CCDC7: variants seen among roughly 807,000 people sequenced by gnomAD.
The protein encoded by CCDC7 is coiled-coil domain-containing protein 7.
In CCDC7, 183 loss-of-function variants were observed where a neutral mutation model predicts 196.9. The observed-to-expected ratio is 0.93, with a 90% confidence interval of 0.82 to 1.05. The LOEUF is 1.05. Ranked by LOEUF, CCDC7 falls within the 50% of genes least tolerant of loss-of-function variation. CCDC7 has a pLI of 0.00. For missense variants in CCDC7, 1,540 were observed against 1,482.2 expected (o/e 1.04, Z -0.64); for synonymous variants, 525 against 484.6 (o/e 1.08, Z -1.10).
intron 18 of CCDC7, among the ~76,000 whole-genome samples, chr10:32,596,477 C>G (rs568850850): frequency 3.3e-5 from 5 of 152,100 alleles, no homozygotes; most frequent in African/African-American, 4.8e-5. Context: ...AGGGTGTTGA[C>G]TCTATCCAAT....
intron 9 of CCDC7, among the ~76,000 whole-genome samples, chr10:32,495,984 A>G (rs1482506079): frequency 6.6e-6 from 1 of 152,280 alleles, no homozygotes; most frequent in Non-Finnish European, 1.5e-5. Context: ...TACTTTGGGC[A>G]GTATGGCCAT....
At chr10:32,644,600 A>G (rs965685207) in intron 20 of CCDC7, among the ~76,000 whole-genome samples, 2 of 152,136 alleles carry the variant, frequency 1.3e-5, no homozygotes, top group South Asian at 2.1e-4. Flanking sequence ...TTGTACTCCT[A>G]TAATTTCCAC....
At chr10:32,859,437 A>G (rs1030452558) in intron 41 of CCDC7, among the ~76,000 whole-genome samples, 1 of 152,224 alleles carries the variant, frequency 6.6e-6, no homozygotes, top group African/African-American at 2.4e-5. Context: ...AAGGAAATTT[A>G]TAGCACTAAA....
intron 18 of CCDC7, among the ~76,000 whole-genome samples, chr10:32,624,577 A>G (rs760594797): frequency 1.3e-5 from 2 of 152,150 alleles, no homozygotes; most frequent in African/African-American, 2.4e-5. Context: ...CTCTCATCTA[A>G]TAGTTTAATG....
At chr10:32,724,409 A>G (rs2082832529) in intron 25 of CCDC7, among the ~76,000 whole-genome samples, 1 of 152,156 alleles carries the variant, frequency 6.6e-6, no homozygotes, top group Admixed American at 6.6e-5. Flanking sequence ...CAATTAATAT[A>G]ACAAGTCAAA....
intron 9 of CCDC7, among the ~76,000 whole-genome samples, chr10:32,495,684 CA>C (rs1316861904): frequency 1.3e-5 from 2 of 152,134 alleles, no homozygotes; most frequent in Non-Finnish European, 2.9e-5. Context: ...TCAGGTTTGT[CA>C]AAGATCATAT....
intron 28 of CCDC7, among the ~76,000 whole-genome samples, chr10:32,769,287 G>A (rs1201094821): frequency 2.0e-5 from 3 of 150,514 alleles, no homozygotes; most frequent in African/African-American, 7.5e-5. Context: ...TTCTCTTTGT[G>A]AGCATATAGT....
intron 8 of CCDC7, among the ~76,000 whole-genome samples, chr10:32,477,488 A>C (rs2039213225): frequency 6.6e-6 from 1 of 151,752 alleles, no homozygotes; most frequent in Non-Finnish European, 1.5e-5. Context: ...GGCGTGAGCC[A>C]CTGCGCCCAG....
chr10:32,566,229 A>G (rs2056768867), intron 14 of CCDC7, among the ~76,000 whole-genome samples: 1 of 152,204 alleles, frequency 6.6e-6, no homozygotes, highest in Non-Finnish European at 1.5e-5. Flanking sequence ...ATGAATTGAT[A>G]TATTCATCTG....
chr10:32,790,697 G>A (rs1230596624), intron 29 of CCDC7, among the ~76,000 whole-genome samples: 1 of 152,132 alleles, frequency 6.6e-6, no homozygotes, highest in South Asian at 2.1e-4. Context: ...AGCTGTGTCA[G>A]TGCTTCATTC....
In CCDC7 at chr10:32,454,558, C is replaced by A. The variant is rs2133420885; in HGVS notation, c.372+1122C>A. 2.0e-5 allele frequency among the ~76,000 whole-genome samples: 3 copies of A among 150,024 alleles called. 1 individual carries two copies. The South Asian group carries it at 6.3e-4, about 32-fold the overall frequency. On this transcript the variant is annotated intron_variant, in intron 2 of 41. Coordinates refer to ENST00000639629, the Ensembl canonical transcript of CCDC7. ...GGTAACAAACCTGCACATGTACCCA[C>A]TAAATCTAAAACAAAAGTTAAAAAA...
At chr10:32,764,111 C>G (rs1388249438) in intron 28 of CCDC7, among the ~76,000 whole-genome samples, 1 of 151,790 alleles carries the variant, frequency 6.6e-6, no homozygotes, top group Non-Finnish European at 1.5e-5. Flanking sequence ...TCATTCCTGT[C>G]AGAAGAAATT....
At chr10:32,874,252 A>G in intron 41 of CCDC7, among the ~76,000 whole-genome samples, 1 of 151,044 alleles carries the variant, frequency 6.6e-6, no homozygotes, top group South Asian at 2.1e-4. Context: ...ATTTATTAAA[A>G]GAAATCACAC....
chr10:32,488,477 G>A (rs183515943), intron 8 of CCDC7, among the ~76,000 whole-genome samples: 41 of 152,232 alleles, frequency 2.7e-4, no homozygotes, highest in African/African-American at 8.9e-4. Flanking sequence ...TGCTCGTTGC[G>A]CTGCACCCAG....
At chr10:32,684,477 G>T (rs1458158771) in intron 21 of CCDC7, among the ~76,000 whole-genome samples, 2 of 152,182 alleles carry the variant, frequency 1.3e-5, no homozygotes, top group Non-Finnish European at 1.5e-5. Flanking sequence ...TCCCCATGGT[G>T]GGGAGCCTTC....
intron 23 of CCDC7, among the ~76,000 whole-genome samples, chr10:32,691,492 T>A (rs534703666): frequency 2.6e-5 from 4 of 152,308 alleles, no homozygotes; most frequent in Middle Eastern, 3.4e-3. Flanking sequence ...TAGATGCTTT[T>A]TCTATGCCCA....
chr10:32,759,382 G>A (rs892724047), intron 28 of CCDC7, among the ~76,000 whole-genome samples: 1 of 152,144 alleles, frequency 6.6e-6, no homozygotes, highest in Non-Finnish European at 1.5e-5. Flanking sequence ...CATGGTACTG[G>A]TACCAAAACA....
At chr10:32,571,765 TAAAA>T in intron 15 of CCDC7, 90 bp from the exon 17 acceptor site, 1 of 1,208,658 alleles carries the variant, frequency 8.3e-7, no homozygotes, top group Non-Finnish European at 1.1e-6. Flanking sequence ...ATTGTCATAT[TAAAA>T]AACTACCTTA....
chr10:32,659,522 A>G (rs1364188031), intron 20 of CCDC7, among the ~76,000 whole-genome samples: 2 of 152,248 alleles, frequency 1.3e-5, no homozygotes, highest in African/African-American at 2.4e-5. Context: ...AAATATCACA[A>G]TAAAGCAAGT....
Sources: allele counts gnomAD v4.1 joint callset (sites outside exome capture counted in the v4.1 genomes callset), GRCh38; gene constraint gnomAD v4.1.1; transcripts MANE v1.5; gene names NCBI Gene and HGNC (gene_info 2026-07-23, HGNC 2026-07-21).